Variants in PPA1 observed in about 807,000 individuals in gnomAD.
The protein encoded by PPA1 is inorganic pyrophosphatase 1.
In PPA1, 23 loss-of-function variants were observed where a neutral mutation model predicts 41.8. The observed-to-expected ratio is 0.55, with a 90% CI of 0.40 to 0.78. The LOEUF (loss-of-function observed/expected upper bound fraction) is 0.78. Ranked by LOEUF, PPA1 falls within the 30% of genes least tolerant of loss-of-function variation. The pLI is 0.00. For synonymous variants in PPA1, 101 were observed against 116.8 expected, an observed-to-expected ratio of 0.86 and a Z score of 0.87; for missense variants, 320 against 361.6, an observed-to-expected ratio of 0.89 and a Z score of 0.93.
At chr10:70,221,035 TATAAA>T (rs1840154746) in intron 2 of PPA1, among the ~76,000 whole-genome samples, 9 of 73,422 alleles carry the variant, frequency 1.2e-4, no homozygotes, top group African/African-American at 6.5e-4. Flanking sequence ...ATAATATATA[TATAAA>T]TTATATATAT....
At chr10:70,224,963 T>G (rs927005484) in intron 2 of PPA1, among the ~76,000 whole-genome samples, 8 of 152,200 alleles carry the variant, frequency 5.3e-5, no homozygotes, top group African/African-American at 1.9e-4. Context: ...GCTCCCGACC[T>G]CAGGTGATCC....
chr10:70,204,954 A>C, intron 9 of PPA1, 39 bp from the exon 10 acceptor site: 69 of 1,486,764 alleles, frequency 4.6e-5, no homozygotes, highest in Non-Finnish European at 5.9e-5. Context: ...GTCTAATCTC[A>C]TTTTTTAAAA....
At chr10:70,223,119 C>G (rs558554372) in intron 2 of PPA1, among the ~76,000 whole-genome samples, 101 of 152,232 alleles carry the variant, frequency 6.6e-4, no homozygotes, top group African/African-American at 2.3e-3. Flanking sequence ...AATCCTAGCA[C>G]TTTGGGAGGC....
intron 2 of PPA1, among the ~76,000 whole-genome samples, chr10:70,224,797 C>T (rs1417999452): frequency 6.6e-6 from 1 of 152,164 alleles, no homozygotes; most frequent in South Asian, 2.1e-4. Context: ...ATGGTGCAAT[C>T]TCGGCTCACT....
intron 1 of PPA1, among the ~76,000 whole-genome samples, chr10:70,231,550 G>C (rs984685654): frequency 1.3e-5 from 2 of 152,246 alleles, no homozygotes; most frequent in Non-Finnish European, 2.9e-5. Context: ...CTGGGCAACA[G>C]AGCGAGACTT....
At chr10:70,217,133 G>A (rs1288190315) in intron 4 of PPA1, among the ~76,000 whole-genome samples, 1 of 151,254 alleles carries the variant, frequency 6.6e-6, no homozygotes, top group Non-Finnish European at 1.5e-5. Flanking sequence ...ACTCCAGCCC[G>A]GGTGACAAAG....
chr10:70,212,863 A>G (rs2136756359), intron 6 of PPA1, among the ~76,000 whole-genome samples: 1 of 152,158 alleles, frequency 6.6e-6, no homozygotes, highest in Non-Finnish European at 1.5e-5. Flanking sequence ...GATACATACT[A>G]CAATACGGAT....
At chr10:70,206,785 A>T (rs546288131) in intron 8 of PPA1, among the ~76,000 whole-genome samples, 1 of 147,950 alleles carries the variant, frequency 6.8e-6, no homozygotes, top group South Asian at 2.2e-4. Flanking sequence ...CGGAGATTTC[A>T]GTCAGCTGAG....
At chr10:70,220,426 GTGTGTGTATA>G (rs1255842480) in intron 2 of PPA1, among the ~76,000 whole-genome samples, 2 of 135,288 alleles carry the variant, frequency 1.5e-5, no homozygotes, top group Non-Finnish European at 3.1e-5. Context: ...CTAATTGTGT[GTGTGTGTATA>G]TGTATATATG....
intron 2 of PPA1, among the ~76,000 whole-genome samples, chr10:70,224,992 A>G (rs1297543872): frequency 6.6e-6 from 1 of 152,202 alleles, no homozygotes; most frequent in Admixed American, 6.5e-5. Context: ...TGGCCCCCCA[A>G]AGTGTTGGGA....
intron 6 of PPA1, chr10:70,210,368 T>C: frequency 1.5e-6 from 2 of 1,365,120 alleles, no homozygotes; most frequent in South Asian, 2.3e-5. Context: ...TGAGGTACTA[T>C]CCCTGGTCCA....
intron 10 of PPA1, chr10:70,203,879 C>G (rs1839907443): frequency 6.6e-6 from 1 of 152,346 alleles, no homozygotes; most frequent in South Asian, 2.1e-4. Context: ...GCGGGCACCT[C>G]CATGGAACTC....
intron 1 of PPA1, among the ~76,000 whole-genome samples, chr10:70,232,806 C>G (rs374779620): frequency 6.6e-6 from 1 of 152,030 alleles, no homozygotes; most frequent in East Asian, 1.9e-4. Context: ...CGCTCAGCGC[C>G]GATAATCTGA....
rs2136748064 is a variant in PPA1 at position 70,202,885 on chromosome 10, T to C, written c.*270A>G. 2.3e-6 allele frequency: 1 copy of C among 440,858 alleles called. No individual in the cohort carries two copies. 27.3% of individuals were successfully genotyped at this position (440,858 alleles called of 1,614,324 possible). On this transcript the variant is annotated 3_prime_UTR_variant, in exon 11 of 11. Transcript: ENST00000373232. ...AACATATGGTAACATATACATCCAA[T>C]ATGTGCTCCCCTTGCACATCTATTC...
chr10:70,221,024 TATA>T (rs1840153614), intron 2 of PPA1, among the ~76,000 whole-genome samples: 2 of 70,938 alleles, frequency 2.8e-5, no homozygotes, highest in Non-Finnish European at 4.8e-5. Context: ...AATTTATATA[TATA>T]ATATATATAT....
chr10:70,207,403 G>A (rs550760010), intron 8 of PPA1, among the ~76,000 whole-genome samples: 54 of 152,128 alleles, frequency 3.5e-4, no homozygotes, highest in African/African-American at 1.2e-3. Context: ...ATGGTGGCTC[G>A]CATCTGTAGT....
chr10:70,231,748 T>C (rs990647191), intron 1 of PPA1, among the ~76,000 whole-genome samples: 1 of 152,118 alleles, frequency 6.6e-6, no homozygotes, highest in Non-Finnish European at 1.5e-5. Flanking sequence ...GGGTTCTAAT[T>C]ATTAGTATTT....
intron 4 of PPA1, among the ~76,000 whole-genome samples, chr10:70,217,321 C>T (rs936987334): frequency 1.3e-5 from 2 of 152,084 alleles, no homozygotes; most frequent in African/African-American, 2.4e-5. Context: ...GTATTAAGTG[C>T]TTTATTTTTT....
intron 2 of PPA1, among the ~76,000 whole-genome samples, chr10:70,227,965 G>A (rs1021892231): frequency 6.6e-6 from 1 of 151,894 alleles, no homozygotes; most frequent in African/African-American, 2.4e-5. Flanking sequence ...TTTTTTTAAG[G>A]CTATAATCCA....
Sources: allele counts gnomAD v4.1 joint callset (sites outside exome capture counted in the v4.1 genomes callset), GRCh38; gene constraint gnomAD v4.1.1; transcripts MANE v1.5; gene names NCBI Gene and HGNC (gene_info 2026-07-23, HGNC 2026-07-21).